Variants in FNBP1 observed in about 807,000 individuals in gnomAD.
FNBP1 encodes formin binding protein 1.
A neutral mutation model predicts 90.6 loss-of-function variants in FNBP1; 26 were observed. The observed-to-expected ratio is 0.29, with a 90% CI of 0.21 to 0.40. FNBP1 has a LOEUF of 0.40. Ranked by LOEUF, FNBP1 falls within the 10% of genes least tolerant of loss-of-function variation. FNBP1 has a pLI of 1.00. For synonymous variants in FNBP1, 260 were observed against 265.2 expected (o/e 0.98, Z 0.19); for missense variants, 635 against 768.0 (o/e 0.83, Z 2.05).
chr9:129,944,918 CATA>C (rs1422250490), intron 6 of FNBP1, among the ~76,000 whole-genome samples: 4 of 152,142 alleles, frequency 2.6e-5, no homozygotes, highest in African/African-American at 9.7e-5. Context: ...AATGACTTAC[CATA>C]CAAAAGCCTT....
At chr9:129,971,166 C>T (rs1350661131) in intron 4 of FNBP1, among the ~76,000 whole-genome samples, 3 of 152,022 alleles carry the variant, frequency 2.0e-5, no homozygotes, top group Non-Finnish European at 2.9e-5. Flanking sequence ...TCTGGGATTA[C>T]AGGTGTGAGC....
At position 129,890,868 on chromosome 9, in the gene FNBP1, A is replaced by C. The variant is rs1414734985; in HGVS notation, c.1847-322T>G. On this transcript the variant is annotated intron_variant, in intron 16 of 16. Coordinates refer to ENST00000446176, the MANE Select transcript of FNBP1 (RefSeq NM_015033.3). This position sits in a 1 kb window ranked among gnomAD's most constrained non-coding sequence, Gnocchi z 5.8. The stretch of plus-strand genomic sequence containing the variant: ...AGTTTTGAGAGAAAGTAAGAAACGG[A>C]GGCCGGGGCTGGGCGCCGTGGCTCA... Among the ~76,000 whole-genome samples, 3 of 152,102 alleles carry C rather than the reference A, an allele frequency of 2.0e-5. No individual in the cohort carries two copies. Among genetic ancestry groups the C allele is most frequent in the Non-Finnish European group, 4.4e-5 (3 of 68,006 alleles).
chr9:129,986,614 AC>A (rs1332874781), intron 2 of FNBP1, among the ~76,000 whole-genome samples: 1 of 151,868 alleles, frequency 6.6e-6, no homozygotes, highest in African/African-American at 2.4e-5. Context: ...ACATGGTGAA[AC>A]CCCGTCTCTA....
At chr9:129,942,430 C>T (rs974295762) in intron 6 of FNBP1, among the ~76,000 whole-genome samples, 3 of 152,188 alleles carry the variant, frequency 2.0e-5, no homozygotes, top group Non-Finnish European at 4.4e-5. Flanking sequence ...TTATTGGGTC[C>T]TGATACTGAG....
At position 129,957,834 on chromosome 9, in the gene FNBP1, T is replaced by C. The variant is rs2047185855; in HGVS notation, c.409-370A>G. Among the ~76,000 whole-genome samples the C allele has an allele frequency of 6.6e-6, 1 of 152,222 alleles. No individual in the cohort carries two copies. Among genetic ancestry groups the C allele is most frequent in the Non-Finnish European group, 1.5e-5 (1 of 68,042 alleles). On this transcript the variant is annotated intron_variant, in intron 5 of 16. Coordinates refer to ENST00000446176, the MANE Select transcript of FNBP1 (RefSeq NM_015033.3). This position sits in a 1 kb window ranked among gnomAD's most constrained non-coding sequence, Gnocchi z 4.3. ...TCCCAAATTGCTGGGATTACAGGCG[T>C]GAGCCAATGTGTCTGGCCCAAGAAT...
chr9:129,943,353 A>G (rs2044627858), intron 6 of FNBP1, among the ~76,000 whole-genome samples: 1 of 138,098 alleles, frequency 7.2e-6, no homozygotes, highest in Admixed American at 7.2e-5. Context: ...CCTTTATCTC[A>G]CTGGCAAGTA....
intron 12 of FNBP1, among the ~76,000 whole-genome samples, chr9:129,903,690 C>T (rs886155745): frequency 6.6e-6 from 1 of 151,982 alleles, no homozygotes; most frequent in African/African-American, 2.4e-5. Flanking sequence ...GGTTATGAGA[C>T]TGGCTAATTT....
intron 6 of FNBP1, among the ~76,000 whole-genome samples, chr9:129,943,636 C>T (rs2044692836): frequency 6.6e-6 from 1 of 152,106 alleles, no homozygotes; most frequent in Non-Finnish European, 1.5e-5. Flanking sequence ...ATCTGCCCAC[C>T]TTGGCAGCCT....
chr9:130,017,061 C>T (rs2057309797), intron 1 of FNBP1, among the ~76,000 whole-genome samples: 1 of 151,908 alleles, frequency 6.6e-6, no homozygotes, highest in South Asian at 2.1e-4. Context: ...GCCTCAGCAA[C>T]ATAGCAAGAC....
chr9:130,048,231 G>C, the FNBP1 span, among the ~76,000 whole-genome samples: 1 of 138,416 alleles, frequency 7.2e-6, no homozygotes, highest in Non-Finnish European at 1.5e-5. Context: ...CAGGAGAATC[G>C]CTTGAACCCA....
At chr9:129,919,318 G>A (rs904948434) in intron 10 of FNBP1, 5 of 663,860 alleles carry the variant, frequency 7.5e-6, no homozygotes, top group Admixed American at 5.2e-5. Context: ...ACAAACAACT[G>A]GTAAGGATTT....
At chr9:130,049,133 A>G in the FNBP1 span, among the ~76,000 whole-genome samples, 1 of 152,010 alleles carries the variant, frequency 6.6e-6, no homozygotes. Flanking sequence ...TCATGCCTGT[A>G]ATCCCAACAC....
At chr9:129,993,109 C>A (rs1235836633) in intron 2 of FNBP1, among the ~76,000 whole-genome samples, 4 of 150,676 alleles carry the variant, frequency 2.7e-5, no homozygotes, top group Non-Finnish European at 5.9e-5. Flanking sequence ...AGCCTGTAAT[C>A]CCAGCTACTT....
In FNBP1 at chr9:130,043,099, C is replaced by T. The variant is rs2059988542; in HGVS notation, c.-124G>A. 1.2e-6 allele frequency: 1 copy of T among 865,248 alleles called. No individual in the cohort carries two copies. The highest frequency in any genetic ancestry group is 1.5e-6 in the Non-Finnish European group (1 of 656,580). 53.6% of individuals were successfully genotyped at this position (865,248 alleles called of 1,614,324 possible). A position where few individuals can be genotyped will look rare whatever the true frequency, so the allele number is the denominator to read the frequency against. On this transcript the variant is annotated 5_prime_UTR_variant, in exon 1 of 17. Coordinates refer to ENST00000446176, the MANE Select transcript of FNBP1 (RefSeq NM_015033.3). Reference sequence around the variant, plus strand: ...GAAAGCCCGGAGTCCGCGCGGCCTCCTCCGGCTCGCAGCTCCTCGCCCGGG... The same window carrying T: ...GAAAGCCCGGAGTCCGCGCGGCCTCTTCCGGCTCGCAGCTCCTCGCCCGGG...
At chr9:130,018,798 G>A (rs2057517722) in intron 1 of FNBP1, among the ~76,000 whole-genome samples, 1 of 152,224 alleles carries the variant, frequency 6.6e-6, no homozygotes, top group South Asian at 2.1e-4. Flanking sequence ...AGAATATAGT[G>A]TAGCTAAATT....
intron 1 of FNBP1, among the ~76,000 whole-genome samples, chr9:130,018,613 G>C (rs1419497958): frequency 6.6e-6 from 1 of 151,868 alleles, no homozygotes; most frequent in Non-Finnish European, 1.5e-5. Context: ...ACCCAGGCTG[G>C]AGTGCACTGG....
intron 2 of FNBP1, among the ~76,000 whole-genome samples, chr9:129,986,008 T>C (rs890361094): frequency 6.9e-6 from 1 of 143,988 alleles, no homozygotes; most frequent in African/African-American, 2.6e-5. Flanking sequence ...TGGTGGTGTG[T>C]GCCTGTAATC....
intron 11 of FNBP1, among the ~76,000 whole-genome samples, chr9:129,910,504 A>AAAAGAGAG: frequency 9.6e-6 from 1 of 104,114 alleles, no homozygotes; most frequent in South Asian, 3.3e-4. Flanking sequence ...AAAAAAAAAA[A>AAAAGAGAG]AGAGAGAGAG....
In FNBP1 at chr9:129,900,852, G is replaced by C. The variant is rs1030086053; in HGVS notation, c.1429-305C>G. Among the ~76,000 whole-genome samples, 1 of 152,246 alleles carries C rather than the reference G, an allele frequency of 6.6e-6. No individual in the cohort carries two copies. The highest frequency in any genetic ancestry group is 2.4e-5 in the African/African-American group (1 of 41,470). On this transcript the variant is annotated intron_variant, in intron 13 of 16. Coordinates refer to ENST00000446176, the MANE Select transcript of FNBP1 (RefSeq NM_015033.3). The surrounding 1 kb of genome is among the most constrained non-coding windows in gnomAD (Gnocchi z 4.1). ...CCACGATGGGGCAGAAAGCACACTGGACTATGCTATCCCCTTGGGCTTTTA... is the reference window on the plus strand; with the variant it reads ...CCACGATGGGGCAGAAAGCACACTGCACTATGCTATCCCCTTGGGCTTTTA...
Sources: gnomAD v4.1 joint callset for allele counts (sites outside exome capture counted in the v4.1 genomes callset) on GRCh38, gnomAD v4.1.1 for gene constraint, Gnocchi (gnomAD v3.1) non-coding constraint, MANE v1.5 for transcripts, NCBI Gene and HGNC (gene_info 2026-07-23, HGNC 2026-07-21) for gene names.